SF3A3: variants seen among roughly 807,000 people sequenced by gnomAD.
SF3A3 encodes the protein SAP 61.
Under a neutral mutation model 85.8 loss-of-function variants are expected in SF3A3, and 9 were observed. The observed-to-expected ratio is 0.10, with a 90% CI of 0.06 to 0.18. The LOEUF (loss-of-function observed/expected upper bound fraction) is 0.18, where lower values mean the gene tolerates loss of function less well. SF3A3 is among the 10% of genes least tolerant of loss of function. The pLI is 1.00. For missense variants in SF3A3, 306 were observed against 593.3 expected, an observed-to-expected ratio of 0.52 and a Z score of 5.03; for synonymous variants, 195 against 204.4, an observed-to-expected ratio of 0.95 and a Z score of 0.39.
chr1:37,961,548 C>T (rs1480061483), intron 15 of SF3A3, among the ~76,000 whole-genome samples: 1 of 151,268 alleles, frequency 6.6e-6, no homozygotes, highest in African/African-American at 2.4e-5. Flanking sequence ...AACACCACTG[C>T]ACTCCAGTCT....
intron 13 of SF3A3, 23 bp from the exon 14 acceptor site, chr1:37,969,487 A>C: frequency 6.2e-7 from 1 of 1,613,204 alleles, no homozygotes; most frequent in Non-Finnish European, 8.5e-7. Flanking sequence ...AAAACAAAAC[A>C]AAACCAAGAA....
chr1:37,972,026 G>T (rs1211058176), intron 12 of SF3A3, among the ~76,000 whole-genome samples: 1 of 152,186 alleles, frequency 6.6e-6, no homozygotes, highest in Non-Finnish European at 1.5e-5. Flanking sequence ...GCAGGAGAAA[G>T]AAATAAAGGG....
At chr1:37,963,756 C>G (rs1206951728) in intron 15 of SF3A3, among the ~76,000 whole-genome samples, 1 of 149,474 alleles carries the variant, frequency 6.7e-6, no homozygotes, top group East Asian at 2.0e-4. Context: ...CGGGGTTTCA[C>G]TGTGTGAGCT....
At chr1:37,987,013 A>G (rs1447026236) in intron 4 of SF3A3, among the ~76,000 whole-genome samples, 1 of 152,064 alleles carries the variant, frequency 6.6e-6, no homozygotes, top group Non-Finnish European at 1.5e-5. Flanking sequence ...GAGTGGACCA[A>G]ATTGCTGGGC....
intron 12 of SF3A3, among the ~76,000 whole-genome samples, chr1:37,972,118 A>C (rs1036292241): frequency 1.1e-4 from 16 of 152,248 alleles, no homozygotes; most frequent in African/African-American, 3.9e-4. Flanking sequence ...CCATTGTCTC[A>C]GCCCAAAATC....
At chr1:37,983,916 A>G (rs1279395236) in intron 6 of SF3A3, among the ~76,000 whole-genome samples, 1 of 152,136 alleles carries the variant, frequency 6.6e-6, no homozygotes, top group Non-Finnish European at 1.5e-5. Context: ...CAGACTGGGC[A>G]ACATGGTAAG....
intron 12 of SF3A3, among the ~76,000 whole-genome samples, chr1:37,971,630 C>G (rs994913234): frequency 6.6e-6 from 1 of 152,178 alleles, no homozygotes; most frequent in African/African-American, 2.4e-5. Context: ...CAAACTGAAT[C>G]CAGCAGCACA....
At position 37,984,711 on chromosome 1, in the gene SF3A3, T is replaced by G; in HGVS notation, c.372A>C (p.Ala124=). 1 of 1,611,778 alleles carries G rather than the reference T, an allele frequency of 6.2e-7. No individual in the cohort carries two copies. Among genetic ancestry groups the G allele is most frequent in the Non-Finnish European group, 8.5e-7 (1 of 1,177,814 alleles). ...GAAATTTTCACCCCTACTTACTTTG[T>G]GCCTCTTCACTTGGATTCTCTCGAG... is the stretch of plus-strand genomic sequence containing the variant. ...LKARENPSEE[A]QNLVEFTDEE... Residue 124 remains alanine, a synonymous_variant, in exon 5 of 17, where the codon GCA becomes GCC. Transcript: ENST00000373019.
intron 11 of SF3A3, among the ~76,000 whole-genome samples, 171 bp from the exon 12 acceptor site, chr1:37,977,124 G>C (rs535095341): frequency 6.6e-6 from 1 of 152,308 alleles, no homozygotes; most frequent in African/African-American, 2.4e-5. Context: ...GACAAATACT[G>C]AGGGTATTTC....
intron 12 of SF3A3, among the ~76,000 whole-genome samples, chr1:37,976,155 CAA>C (rs11312772): frequency 0.86 from 122,374 of 142,690 alleles, 52,296 homozygotes; most frequent in East Asian, 0.99. Context: ...GACTCTGTCT[CAA>C]AAAAAAAAAA....
rs1035633518 is a variant in SF3A3, at chr1:37,978,900, G to A, written c.828-73C>T. The A allele has an allele frequency of 6.9e-5, 107 of 1,550,066 alleles. 1 individual carries two copies. In the African/African-American group the frequency reaches 1.1e-3, roughly 17 times the overall value. Reference sequence around the variant, plus strand: ...GGCTGGCTTATTTTTGCAGTGTGGAGCAACAAAAAAAATGGAATCAGAGCT... The same window carrying A: ...GGCTGGCTTATTTTTGCAGTGTGGAACAACAAAAAAAATGGAATCAGAGCT... On this transcript the variant is annotated intron_variant, in intron 10 of 16. Coordinates refer to ENST00000373019, the MANE Select transcript of SF3A3 (RefSeq NM_006802.4).
Position 37,989,565 on chromosome 1 carries a change from T to A in SF3A3, c.127A>T (p.Thr43Ser), listed in dbSNP as rs747387943. Residue 43 changes from threonine (T) to serine (S), a missense_variant, in exon 2 of 17, where the codon ACT becomes TCT. By Grantham distance (58) the Thr-to-Ser change is moderately conservative. Around this residue, in one of 4 missense-constraint regions of SF3A3, gnomAD observed 152 missense variants for 192.0 expected, o/e 0.79. Coordinates refer to ENST00000373019, the MANE Select transcript of SF3A3 (RefSeq NM_006802.4). ...LRDQINSDHR[T>S]RAMQDRYMEV... ...GCACTCACATCTTGCATGGCCCGAG[T>A]GCGGTGATCAGAATTGATCTGGTCC... The A allele has an allele frequency of 1.2e-6, 2 of 1,613,708 alleles. No homozygotes were observed. Among genetic ancestry groups the A allele is most frequent in the Non-Finnish European group, 1.7e-6 (2 of 1,179,942 alleles).
chr1:37,976,671 T>C (rs1339990565), intron 12 of SF3A3, among the ~76,000 whole-genome samples: 9 of 152,134 alleles, frequency 5.9e-5, no homozygotes, highest in Non-Finnish European at 1.0e-4. Context: ...ATGACTGGCT[T>C]TATGGGAATT....
At chr1:37,976,073 T>C (rs1275743437) in intron 12 of SF3A3, among the ~76,000 whole-genome samples, 1 of 151,950 alleles carries the variant, frequency 6.6e-6, no homozygotes, top group Non-Finnish European at 1.5e-5. Context: ...GGAGACTTGC[T>C]TGAACCCTGG....
At chr1:37,979,332 T>C in intron 9 of SF3A3, 133 bp downstream of exon 9, 1 of 737,796 alleles carries the variant, frequency 1.4e-6, no homozygotes, top group Non-Finnish European at 2.2e-6. Context: ...GCCTTGCTAC[T>C]TTCTTTGTAG....
intron 6 of SF3A3, among the ~76,000 whole-genome samples, chr1:37,982,463 T>A (rs1002874157): frequency 4.6e-5 from 7 of 151,862 alleles, no homozygotes; most frequent in Admixed American, 2.0e-4. Flanking sequence ...CTCCACCTCA[T>A]GGGTTCAAGC....
intron 16 of SF3A3, among the ~76,000 whole-genome samples, chr1:37,958,612 G>A (rs1009086854): frequency 3.9e-5 from 6 of 152,224 alleles, no homozygotes; most frequent in Admixed American, 1.3e-4. Flanking sequence ...GTTTTCAAAT[G>A]GTTCCCAAGA....
chr1:37,967,667 G>A (rs1646311566), intron 15 of SF3A3, among the ~76,000 whole-genome samples: 1 of 103,212 alleles, frequency 9.7e-6, no homozygotes, highest in Non-Finnish European at 1.8e-5. Context: ...GACAGAGTGA[G>A]ACTCCGTCAC....
At chr1:37,963,145 C>A (rs527967333) in intron 15 of SF3A3, among the ~76,000 whole-genome samples, 1 of 151,390 alleles carries the variant, frequency 6.6e-6, no homozygotes, top group South Asian at 2.1e-4. Context: ...TTGCTGCAGG[C>A]TAAAATCTCC....
Sources: allele counts gnomAD v4.1 joint callset (sites outside exome capture counted in the v4.1 genomes callset), GRCh38; gene constraint gnomAD v4.1.1; regional missense constraint gnomAD v4.1.1; transcripts MANE v1.5; gene names NCBI Gene and HGNC (gene_info 2026-07-23, HGNC 2026-07-21).